The following PDE1A variants were observed in gnomAD, a reference collection of about 807,000 sequenced individuals.
PDE1A encodes the protein dual specificity calcium/calmodulin-dependent 3',5'-cyclic nucleotide phosphodiesterase 1A.
A neutral mutation model predicts 61.7 loss-of-function variants in PDE1A; 35 were observed. That is an observed-to-expected ratio of 0.57 (90% CI 0.43 to 0.75). PDE1A has a LOEUF of 0.75. PDE1A is among the 30% of genes least tolerant of loss of function. The pLI is 0.00. For missense variants in PDE1A, 597 were observed against 630.6 expected, an observed-to-expected ratio of 0.95 and a Z score of 0.57; for synonymous variants, 232 against 213.2, an observed-to-expected ratio of 1.09 and a Z score of -0.77.
chr2:182,288,554 A>C (rs971845401), intron 1 of PDE1A, among the ~76,000 whole-genome samples: 1 of 152,112 alleles, frequency 6.6e-6, no homozygotes, highest in Admixed American at 6.6e-5. Context: ...AATTACCTTC[A>C]TGGCCAGCAA....
the PDE1A span, among the ~76,000 whole-genome samples, chr2:182,601,298 C>A: frequency 2.0e-5 from 3 of 152,242 alleles, no homozygotes; most frequent in Non-Finnish European, 4.4e-5. Context: ...CAGCTCTCTG[C>A]AAGGCTGCAG....
intron 8 of PDE1A, among the ~76,000 whole-genome samples, chr2:182,204,543 T>A (rs2125492372): frequency 6.6e-6 from 1 of 152,338 alleles, no homozygotes; most frequent in South Asian, 2.1e-4. Context: ...GCCTTTTTGA[T>A]GACCCACTTC....
intron 1 of PDE1A, among the ~76,000 whole-genome samples, chr2:182,399,153 G>A (rs568086299): frequency 1.3e-5 from 2 of 151,622 alleles, no homozygotes; most frequent in South Asian, 4.2e-4. Context: ...AGAATATTTT[G>A]GAGGACTATG....
intron 13 of PDE1A, among the ~76,000 whole-genome samples, chr2:182,178,628 T>G (rs1029237158): frequency 6.6e-6 from 1 of 152,038 alleles, no homozygotes; most frequent in Non-Finnish European, 1.5e-5. Context: ...TATCCAGCAT[T>G]CTGAACAAGG....
At chr2:182,295,780 G>A (rs940523110) in intron 1 of PDE1A, among the ~76,000 whole-genome samples, 1 of 152,066 alleles carries the variant, frequency 6.6e-6, no homozygotes, top group African/African-American at 2.4e-5. Flanking sequence ...AGAAAAAAAT[G>A]TTTGATTTAA....
chr2:182,385,640 G>GAAAGAAAGAAAGAAAGAAAGAAAGA lies in PDE1A; in HGVS notation c.53+40937_53+40938insTCTTTCTTTCTTTCTTTCTTTCTTT, dbSNP rs1553606357. On this transcript the variant is annotated intron_variant, in intron 1 of 13. Transcript: ENST00000351439. ...GAAACAGAAAGAAAGAAAGAAAGAA[G>GAAAGAAAGAAAGAAAGAAAGAAAGA]AAGAAAGAAAGAAAGAAAGAAGAAA... Among the ~76,000 whole-genome samples the GAAAGAAAGAAAGAAAGAAAGAAAGA allele has an allele frequency of 8.7e-4, 61 of 70,482 alleles. 1 individual carries two copies. Among genetic ancestry groups the GAAAGAAAGAAAGAAAGAAAGAAAGA allele is most frequent in the African/African-American group, 2.4e-3 (56 of 23,146 alleles). The allele number at this position is 70,482 out of a possible 152,430, so 46.2% of individuals were successfully genotyped here. A position where few individuals can be genotyped will look rare whatever the true frequency, so the allele number is the denominator to read the frequency against.
intron 7 of PDE1A, among the ~76,000 whole-genome samples, chr2:182,219,253 AG>A (rs1688517450): frequency 6.6e-6 from 1 of 152,152 alleles, no homozygotes; most frequent in East Asian, 1.9e-4. Context: ...CATCAAGGGA[AG>A]GCTTTTATTT....
rs187693957 is a variant in PDE1A at position 182,222,244 on chromosome 2, A to G, written c.776+1620T>C. On this transcript the variant is annotated intron_variant, in intron 7 of 13. Coordinates refer to ENST00000351439, the Ensembl canonical transcript of PDE1A. Reference sequence around the variant, plus strand: ...AATAAGCTGTCAACCATGAAAAGACATGGAGGAACATTAAACACATTCTTC... The same window carrying G: ...AATAAGCTGTCAACCATGAAAAGACGTGGAGGAACATTAAACACATTCTTC... Among the ~76,000 whole-genome samples the G allele has an allele frequency of 4.7e-4, 71 of 152,198 alleles. 2 individuals carry two copies. The East Asian group carries it at 0.011, about 23-fold the overall frequency.
At chr2:182,423,612 T>A (rs1703417255) in intron 1 of PDE1A, among the ~76,000 whole-genome samples, 1 of 152,182 alleles carries the variant, frequency 6.6e-6, no homozygotes. Flanking sequence ...GTCACTTAGG[T>A]GTTTAGAATG....
chr2:182,210,305 T>C (rs1325753762), intron 7 of PDE1A, among the ~76,000 whole-genome samples: 1 of 152,168 alleles, frequency 6.6e-6, no homozygotes, highest in Non-Finnish European at 1.5e-5. Flanking sequence ...CAGCTTTTGG[T>C]GTTGTTAGTG....
chr2:182,184,508 T>A (rs1330245324), intron 13 of PDE1A, among the ~76,000 whole-genome samples: 1 of 152,126 alleles, frequency 6.6e-6, no homozygotes, highest in Non-Finnish European at 1.5e-5. Flanking sequence ...AAAAGTAAGA[T>A]ACAGACATTC....
At chr2:182,682,788 A>ATGT in the PDE1A span, among the ~76,000 whole-genome samples, 4 of 152,298 alleles carry the variant, frequency 2.6e-5, no homozygotes, top group Admixed American at 6.5e-5. Context: ...AGTTAAATGA[A>ATGT]TGTTGTTGTT....
chr2:182,634,661 A>C, the PDE1A span, among the ~76,000 whole-genome samples: 1 of 152,192 alleles, frequency 6.6e-6, no homozygotes, highest in African/African-American at 2.4e-5. Context: ...TCTTTCTTTC[A>C]CATGGGGAGC....
intron 1 of PDE1A, among the ~76,000 whole-genome samples, chr2:182,312,887 G>C (rs112423077): frequency 2.0e-5 from 3 of 150,544 alleles, no homozygotes; most frequent in African/African-American, 7.3e-5. Context: ...TGAACCTATA[G>C]AACAATTTAG....
At chr2:182,588,897 G>A in the PDE1A span, among the ~76,000 whole-genome samples, 1 of 151,776 alleles carries the variant, frequency 6.6e-6, no homozygotes, top group Non-Finnish European at 1.5e-5. Context: ...ACAAAAATTA[G>A]CCAGGCATGA....
At chr2:182,277,710 A>C (rs896888257) in intron 1 of PDE1A, among the ~76,000 whole-genome samples, 1 of 152,134 alleles carries the variant, frequency 6.6e-6, no homozygotes, top group Non-Finnish European at 1.5e-5. Flanking sequence ...TACTGGGTGC[A>C]AGAGAGACAC....
At chr2:182,539,387 AT>A in the PDE1A span, among the ~76,000 whole-genome samples, 1 of 152,158 alleles carries the variant, frequency 6.6e-6, no homozygotes, top group Non-Finnish European at 1.5e-5. Flanking sequence ...TATTAGTTTT[AT>A]TTTGAGTCCC....
At chr2:182,367,623 C>T (rs1699909828) in intron 1 of PDE1A, among the ~76,000 whole-genome samples, 1 of 151,924 alleles carries the variant, frequency 6.6e-6, no homozygotes, top group Non-Finnish European at 1.5e-5. Context: ...TGTAGCAAAG[C>T]CAATTCAAGC....
Position 182,484,687 on chromosome 2 carries a change from T to C in PDE1A, c.101+37589A>G, listed in dbSNP as rs562854945. Among the ~76,000 whole-genome samples, 3 of 151,736 alleles carry C rather than the reference T, an allele frequency of 2.0e-5. No individual in the cohort carries two copies. In the South Asian group the frequency reaches 6.2e-4, roughly 32 times the overall value. The stretch of plus-strand genomic sequence containing the variant: ...TGCAGGAGAAAAACAAACAACCCCA[T>C]TAAAAAGTGGGCAAAAGACATGAAC... On this transcript the variant is annotated intron_variant, in intron 2 of 14. Transcript: ENST00000410103.
Sources: allele counts gnomAD v4.1 joint callset (sites outside exome capture counted in the v4.1 genomes callset), GRCh38; gene constraint gnomAD v4.1.1; transcripts MANE v1.5; gene names NCBI Gene and HGNC (gene_info 2026-07-23, HGNC 2026-07-21).